GPAT3: variants seen among roughly 807,000 people sequenced by gnomAD.
GPAT3 encodes 1-AGP acyltransferase 9.
Under a neutral mutation model 58.8 loss-of-function variants are expected in GPAT3, and 53 were observed. That is an observed-to-expected ratio of 0.90 (90% CI 0.72 to 1.13). GPAT3 has a LOEUF of 1.13. GPAT3 is among the 50% of genes most tolerant of loss of function. GPAT3 has a pLI of 0.00. For synonymous variants in GPAT3, 197 were observed against 187.4 expected, an observed-to-expected ratio of 1.05 and a Z score of -0.42; for missense variants, 511 against 527.6, an observed-to-expected ratio of 0.97 and a Z score of 0.31.
In GPAT3 at chr4:83,536,301, G is replaced by A; in HGVS notation, c.-322G>A. The stretch of plus-strand genomic sequence containing the variant: ...GGCTGCGCTCGCGCGCTCTGCCCGC[G>A]CCGCGGTGTGCCTCCGCTTACCCGC... On this transcript the variant is annotated 5_prime_UTR_variant, in exon 1 of 12. Coordinates refer to ENST00000264409, the MANE Select transcript of GPAT3 (RefSeq NM_032717.5). The A allele has an allele frequency of 1.9e-6, 2 of 1,070,456 alleles. No individual in the cohort carries two copies. Among genetic ancestry groups the A allele is most frequent in the Non-Finnish European group, 2.3e-6 (2 of 885,292 alleles). 66.3% of individuals were successfully genotyped at this position (1,070,456 alleles called of 1,614,324 possible).
In GPAT3 at chr4:83,604,892, T is replaced by C; in HGVS notation, c.*125T>C. The C allele has an allele frequency of 2.4e-6, 2 of 820,666 alleles. No homozygotes were observed. Among genetic ancestry groups the C allele is most frequent in the Non-Finnish European group, 3.7e-6 (2 of 536,142 alleles). The allele number at this position is 820,666 out of a possible 1,614,324, so 50.8% of individuals were successfully genotyped here. A position where few individuals can be genotyped will look rare whatever the true frequency, so the allele number is the denominator to read the frequency against. On this transcript the variant is annotated 3_prime_UTR_variant, in exon 12 of 12. Coordinates refer to ENST00000264409, the MANE Select transcript of GPAT3 (RefSeq NM_032717.5). ...ATCTTTTCTACAGAATGATTGTCTC[T>C]ACCTCTTTATGCCAGAGGCAGAACC...
chr4:83,580,756 T>G (rs1244473225), intron 2 of GPAT3, among the ~76,000 whole-genome samples: 1 of 152,192 alleles, frequency 6.6e-6, no homozygotes, highest in Non-Finnish European at 1.5e-5. Context: ...GAACTTTGCT[T>G]ACTTTTATGC....
chr4:83,563,155 ATGTTTTTC>A (rs1725243506), intron 2 of GPAT3, among the ~76,000 whole-genome samples: 1 of 152,184 alleles, frequency 6.6e-6, no homozygotes, highest in South Asian at 2.1e-4. Flanking sequence ...CATCATACTG[ATGTTTTTC>A]TGGGAGGGCT....
At chr4:83,546,240 C>A (rs549479540) in intron 2 of GPAT3, among the ~76,000 whole-genome samples, 2 of 152,324 alleles carry the variant, frequency 1.3e-5, no homozygotes, top group South Asian at 4.1e-4. Flanking sequence ...CCACCTCGGC[C>A]TCCCAAAGTG....
rs70965361 is a variant in GPAT3 at position 83,598,751 on chromosome 4, CTTTTTTTTTTTTTTTTTTT to C, written c.1205+46_1205+64del. On this transcript the variant is annotated intron_variant, in intron 11 of 11. Coordinates refer to ENST00000264409, the MANE Select transcript of GPAT3 (RefSeq NM_032717.5). ...AAGAGAACTTTCAGAAGTACTATCA[CTTTTTTTTTTTTTTTTTTT>C]TTTTTTTTTTTTTTTTTAGAGAATG... The C allele has an allele frequency of 9.4e-3, 1,426 of 152,342 alleles. 25 individuals are homozygous for C. The highest frequency in any genetic ancestry group is 0.055 in the Middle Eastern group (36 of 660). 9.4% of individuals were successfully genotyped at this position (152,342 alleles called of 1,614,324 possible).
At chr4:83,604,467 T>C (rs1315236259) in intron 11 of GPAT3, among the ~76,000 whole-genome samples, 1 of 152,214 alleles carries the variant, frequency 6.6e-6, no homozygotes. Context: ...GATTGTTCCT[T>C]CCTCAAAGTA....
At chr4:83,589,006 G>C (rs1319132576) in intron 5 of GPAT3, among the ~76,000 whole-genome samples, 1 of 152,122 alleles carries the variant, frequency 6.6e-6, no homozygotes, top group African/African-American at 2.4e-5. Context: ...TTTCTCATTT[G>C]TAGAAGGGAA....
chr4:83,576,415 TA>T (rs1725817055), intron 2 of GPAT3, among the ~76,000 whole-genome samples: 2 of 133,334 alleles, frequency 1.5e-5, no homozygotes, highest in African/African-American at 5.8e-5. Flanking sequence ...AATATCATTT[TA>T]TTTATTTATT....
intron 1 of GPAT3, 120 bp from the exon 2 acceptor site, chr4:83,544,416 T>C: frequency 1.0e-6 from 1 of 974,326 alleles, no homozygotes; most frequent in Non-Finnish European, 1.7e-6. Context: ...TGGGGTTAGC[T>C]CTTTAGTTCA....
chr4:83,600,229 T>A (rs1032222182), intron 11 of GPAT3, among the ~76,000 whole-genome samples: 7 of 152,188 alleles, frequency 4.6e-5, no homozygotes, highest in African/African-American at 1.7e-4. Flanking sequence ...GTGTTGCAGA[T>A]AGCTGCATTC....
chr4:83,547,800 A>C (rs1365713427), intron 2 of GPAT3, among the ~76,000 whole-genome samples: 1 of 151,416 alleles, frequency 6.6e-6, no homozygotes, highest in East Asian at 1.9e-4. Flanking sequence ...GATTATGGGT[A>C]AATCTCGTTA....
At chr4:83,569,136 T>C (rs1725511484) in intron 2 of GPAT3, among the ~76,000 whole-genome samples, 1 of 152,208 alleles carries the variant, frequency 6.6e-6, no homozygotes, top group Non-Finnish European at 1.5e-5. Flanking sequence ...AAAATGATAA[T>C]GTTATTCAGA....
At chr4:83,572,297 T>C (rs556403096) in intron 2 of GPAT3, among the ~76,000 whole-genome samples, 1 of 152,254 alleles carries the variant, frequency 6.6e-6, no homozygotes, top group East Asian at 1.9e-4. Flanking sequence ...AATGAGCAAA[T>C]GGTTTATTAA....
chr4:83,547,315 G>C (rs952244929), intron 2 of GPAT3, among the ~76,000 whole-genome samples: 73 of 147,456 alleles, frequency 5.0e-4, no homozygotes, highest in East Asian at 1.2e-3. Context: ...TGCAGTGGCG[G>C]GATCTCGGCT....
chr4:83,598,824 AGTAGCATGATCATAGTTCACT>A (rs1207429439), intron 11 of GPAT3, 101 bp downstream of exon 11: 15 of 788,138 alleles, frequency 1.9e-5, no homozygotes, highest in Non-Finnish European at 2.7e-5. Flanking sequence ...GCTGGAGTGC[AGTAGCATGATCATAGTTCACT>A]GTAGCCTGAT....
At chr4:83,573,594 G>C (rs954403578) in intron 2 of GPAT3, among the ~76,000 whole-genome samples, 1 of 152,004 alleles carries the variant, frequency 6.6e-6, no homozygotes, top group Non-Finnish European at 1.5e-5. Flanking sequence ...CTACCTTATC[G>C]TGGTCTCTTC....
At chr4:83,588,406 T>A in intron 5 of GPAT3, 107 bp downstream of exon 5, 1 of 951,704 alleles carries the variant, frequency 1.1e-6, no homozygotes, top group Non-Finnish European at 1.6e-6. Context: ...GTCAGAGTGC[T>A]TCCAATGTGT....
chr4:83,598,579 T>C (rs756122624), intron 10 of GPAT3, 65 bp from the exon 11 acceptor site: 19 of 1,246,710 alleles, frequency 1.5e-5, no homozygotes, highest in Middle Eastern at 1.9e-4. Context: ...TACAAATGAT[T>C]ATGAGATGGT....
intron 4 of GPAT3, among the ~76,000 whole-genome samples, chr4:83,587,784 C>T (rs1726434694): frequency 6.6e-6 from 1 of 152,182 alleles, no homozygotes; most frequent in Non-Finnish European, 1.5e-5. Context: ...ACTTCATCTT[C>T]ATAGTCTTTG....
Sources: allele counts gnomAD v4.1 joint callset (sites outside exome capture counted in the v4.1 genomes callset), GRCh38; gene constraint gnomAD v4.1.1; transcripts MANE v1.5; gene names NCBI Gene and HGNC (gene_info 2026-07-23, HGNC 2026-07-21).